SORCS2: variants seen among roughly 807,000 people sequenced by gnomAD.
The protein encoded by SORCS2 is VPS10 domain-containing receptor SorCS2.
In SORCS2, 100 loss-of-function variants were observed where a neutral mutation model predicts 141.6. That is an observed-to-expected ratio of 0.71 (90% CI 0.60 to 0.83). SORCS2 has a LOEUF of 0.83. Among genes scored for constraint, SORCS2 ranks in the 40% least tolerant of loss-of-function variants. The probability of loss-of-function intolerance (pLI) is 0.00; values close to 1 mark genes in which losing one functional copy is unlikely to be tolerated. For missense variants in SORCS2, 1,646 were observed against 1,560.2 expected, an observed-to-expected ratio of 1.05 and a Z score of -0.93; for synonymous variants, 789 against 676.9, an observed-to-expected ratio of 1.17 and a Z score of -2.57.
intron 1 of SORCS2, among the ~76,000 whole-genome samples, chr4:7,324,447 C>CCGG (rs2108951997): frequency 6.6e-6 from 1 of 152,352 alleles, no homozygotes; most frequent in Non-Finnish European, 1.5e-5. Flanking sequence ...GGACCGTCTG[C>CCGG]CGGCGTCACC....
At chr4:7,444,520 G>A (rs771736143) in intron 2 of SORCS2, among the ~76,000 whole-genome samples, 1 of 152,236 alleles carries the variant, frequency 6.6e-6, no homozygotes, top group Non-Finnish European at 1.5e-5. Flanking sequence ...GCAGCTGGGT[G>A]CAGGAAGAAC....
rs1355862023 is a variant in SORCS2, at chr4:7,663,197, AGAGTGAAT to A, written c.953-1149_953-1142del. The stretch of plus-strand genomic sequence containing the variant: ...GATGAGTGAATGAGTGAGTGAGTGA[AGAGTGAAT>A]GAGTGAGTGAATGAGTGAGTGAAGA... On this transcript the variant is annotated intron_variant, in intron 6 of 26. Coordinates refer to ENST00000507866, the MANE Select transcript of SORCS2 (RefSeq NM_020777.3). This position sits in a 1 kb window ranked among gnomAD's most constrained non-coding sequence, Gnocchi z 4.8. Among the ~76,000 whole-genome samples the A allele has an allele frequency of 4.0e-5, 6 of 151,390 alleles. No individual in the cohort carries two copies. Among genetic ancestry groups the A allele is most frequent in the Non-Finnish European group, 8.8e-5 (6 of 67,900 alleles).
chr4:7,410,546 G>C (rs77576804), intron 2 of SORCS2, among the ~76,000 whole-genome samples: 1 of 152,160 alleles, frequency 6.6e-6, no homozygotes, highest in African/African-American at 2.4e-5. Context: ...CAGACAATGC[G>C]TGTAAAATGC....
At position 7,641,314 on chromosome 4, in the gene SORCS2, AG is replaced by A. The variant is rs529887310; in HGVS notation, c.813+2824del. 1.9e-3 allele frequency among the ~76,000 whole-genome samples: 291 copies of A among 152,328 alleles called. 1 individual carries two copies. The highest frequency in any genetic ancestry group is 6.7e-3 in the African/African-American group (277 of 41,584). ...TCATGGTGGAAGGTGAAGGGGAAGC[AG>A]GCATCATCTTCACAAGGCATCAGGA... On this transcript the variant is annotated intron_variant, in intron 4 of 26. Transcript: ENST00000507866.
intron 1 of SORCS2, among the ~76,000 whole-genome samples, chr4:7,230,999 TATATCC>T (rs138295412): frequency 2.4e-4 from 36 of 151,440 alleles, no homozygotes; most frequent in Admixed American, 5.3e-4. Context: ...TATCTGTATC[TATATCC>T]ATATCCATAT....
In SORCS2 at chr4:7,565,500, T is replaced by G. The variant is rs141795266; in HGVS notation, c.648+33871T>G. 2.0e-4 allele frequency among the ~76,000 whole-genome samples: 31 copies of G among 152,244 alleles called. No individual in the cohort carries two copies. The East Asian group carries it at 6.0e-3, about 29-fold the overall frequency. The stretch of plus-strand genomic sequence containing the variant: ...GATTAGGAAAATATGATTAGCATAA[T>G]GATGATAAAGATGATGATTATGATA... On this transcript the variant is annotated intron_variant, in intron 3 of 26. Transcript: ENST00000507866.
At chr4:7,361,679 G>C (rs1232263879) in intron 1 of SORCS2, among the ~76,000 whole-genome samples, 4 of 151,540 alleles carry the variant, frequency 2.6e-5, no homozygotes, top group Non-Finnish European at 4.4e-5. Flanking sequence ...AGTGAGAGAA[G>C]GGGTGTGGGG....
intron 1 of SORCS2, among the ~76,000 whole-genome samples, chr4:7,262,339 C>CATCCATCCATCCATCT (rs1714401883): frequency 8.1e-6 from 1 of 123,904 alleles, no homozygotes; most frequent in African/African-American, 5.8e-5. Context: ...TCCATCTATC[C>CATCCATCCATCCATCT]ATCCATCCAT....
intron 2 of SORCS2, among the ~76,000 whole-genome samples, chr4:7,466,967 A>G (rs1393423480): frequency 6.6e-6 from 1 of 152,070 alleles, no homozygotes. Flanking sequence ...TGGGGCTTGT[A>G]TGTATGCAGG....
intron 3 of SORCS2, among the ~76,000 whole-genome samples, chr4:7,540,203 TCCCTGC>T (rs1712511490): frequency 1.1e-5 from 1 of 90,432 alleles, no homozygotes; most frequent in Non-Finnish European, 2.2e-5. Flanking sequence ...TCCCTGCCCC[TCCCTGC>T]CCCTGCCTCT....
intron 1 of SORCS2, among the ~76,000 whole-genome samples, chr4:7,308,691 C>T (rs1435667513): frequency 1.3e-5 from 2 of 151,996 alleles, no homozygotes; most frequent in Non-Finnish European, 2.9e-5. Flanking sequence ...CTTCACTCCC[C>T]CTCTTCCCAC....
chr4:7,448,043 G>A (rs1374192860), intron 2 of SORCS2, among the ~76,000 whole-genome samples: 4 of 152,164 alleles, frequency 2.6e-5, no homozygotes, highest in African/African-American at 9.7e-5. Context: ...GGTCAGCGGA[G>A]GCTCGCTCTT....
chr4:7,499,895 G>A lies in SORCS2; in HGVS notation c.549-31635G>A, dbSNP rs1316225301. 3.9e-5 allele frequency among the ~76,000 whole-genome samples: 6 copies of A among 152,274 alleles called. No homozygotes were observed. The East Asian group carries it at 1.2e-3, about 29-fold the overall frequency. Reference sequence around the variant, plus strand: ...AGCGCGCAGTGGAGAAGGGCCGTGAGGAGGAGGGTGCTGGGTGTGTCAGGT... The same window carrying A: ...AGCGCGCAGTGGAGAAGGGCCGTGAAGAGGAGGGTGCTGGGTGTGTCAGGT... On this transcript the variant is annotated intron_variant, in intron 2 of 26. Transcript: ENST00000507866.
chr4:7,528,399 T>C (rs1733830950), intron 2 of SORCS2, among the ~76,000 whole-genome samples: 1 of 105,900 alleles, frequency 9.4e-6, no homozygotes, highest in Non-Finnish European at 2.1e-5. Flanking sequence ...TGGCAGCTGC[T>C]ACGTTTTTTT....
chr4:7,703,872 C>A (rs1450339442), intron 13 of SORCS2, among the ~76,000 whole-genome samples: 3 of 152,220 alleles, frequency 2.0e-5, no homozygotes, highest in Non-Finnish European at 4.4e-5. Flanking sequence ...ACTACAATAC[C>A]GGCCCTACCA....
intron 4 of SORCS2, among the ~76,000 whole-genome samples, chr4:7,640,313 GGTGT>G (rs1373397812): frequency 1.4e-5 from 2 of 146,294 alleles, no homozygotes; most frequent in African/African-American, 2.6e-5. Flanking sequence ...TGAGTGTGTG[GGTGT>G]GTATGAGCAT....
chr4:7,603,567 C>T (rs1717875069), intron 3 of SORCS2, among the ~76,000 whole-genome samples: 1 of 152,010 alleles, frequency 6.6e-6, no homozygotes, highest in African/African-American at 2.4e-5. Context: ...TCTTTGGTTC[C>T]TATTCATATT....
intron 1 of SORCS2, among the ~76,000 whole-genome samples, chr4:7,239,577 G>T (rs1712542304): frequency 6.6e-6 from 1 of 152,252 alleles, no homozygotes; most frequent in Non-Finnish European, 1.5e-5. Flanking sequence ...CTGGAGAAGG[G>T]CCTTAGGGAG....
rs1303723413 is a variant in SORCS2, at chr4:7,258,855, C to T, written c.480+65729C>T. On this transcript the variant is annotated intron_variant, in intron 1 of 26. Transcript: ENST00000507866. The stretch of plus-strand genomic sequence containing the variant: ...GATGGTATCTCATTGTGGTTTTGAT[C>T]TGCATTTCTCTGATGACCAGTGATG... 2.6e-5 allele frequency among the ~76,000 whole-genome samples: 4 copies of T among 152,168 alleles called. No homozygotes were observed. The East Asian group carries it at 7.7e-4, about 29-fold the overall frequency.
Sources: allele counts gnomAD v4.1 joint callset (sites outside exome capture counted in the v4.1 genomes callset), GRCh38; gene constraint gnomAD v4.1.1; non-coding constraint Gnocchi (gnomAD v3.1); transcripts MANE v1.5; gene names NCBI Gene and HGNC (gene_info 2026-07-23, HGNC 2026-07-21).